The following DCUN1D5 variants were observed in gnomAD, a reference collection of about 807,000 sequenced individuals.
The protein encoded by DCUN1D5 is DCN1-like protein 5.
Under a neutral mutation model 38.3 loss-of-function variants are expected in DCUN1D5, and 10 were observed. The ratio of observed to expected loss-of-function variants is 0.26; its 90% CI spans 0.16 to 0.44. The LOEUF (loss-of-function observed/expected upper bound fraction) is 0.44. DCUN1D5 is among the 20% of genes least tolerant of loss of function. DCUN1D5 has a pLI of 1.00. For missense variants in DCUN1D5, 148 were observed against 275.3 expected, an observed-to-expected ratio of 0.54 and a Z score of 3.27; for synonymous variants, 93 against 90.9, an observed-to-expected ratio of 1.02 and a Z score of -0.13.
intron 2 of DCUN1D5, among the ~76,000 whole-genome samples, chr11:103,088,764 A>G (rs572725335): frequency 6.6e-6 from 1 of 152,368 alleles, no homozygotes; most frequent in East Asian, 1.9e-4. Context: ...GTGTTGTACA[A>G]TTATAACTGA....
At chr11:103,069,692 G>A (rs1446724837) in intron 4 of DCUN1D5, among the ~76,000 whole-genome samples, 2 of 152,174 alleles carry the variant, frequency 1.3e-5, no homozygotes, top group African/African-American at 2.4e-5. Context: ...CAGTAAAAGC[G>A]TAGTGGGAAC....
Position 103,092,008 on chromosome 11 carries a change from G to A in DCUN1D5, c.-136C>T. 2 of 785,390 alleles carry A rather than the reference G, an allele frequency of 2.5e-6. No individual in the cohort carries two copies. The highest frequency in any genetic ancestry group is 3.9e-6 in the Non-Finnish European group (2 of 510,028). The allele number at this position is 785,390 out of a possible 1,614,324, so 48.7% of individuals were successfully genotyped here. A position where few individuals can be genotyped will look rare whatever the true frequency, so the allele number is the denominator to read the frequency against. On this transcript the variant is annotated 5_prime_UTR_variant, in exon 1 of 8. Coordinates refer to ENST00000260247, the MANE Select transcript of DCUN1D5 (RefSeq NM_032299.4). Reference sequence around the variant, plus strand: ...AGCAGAGTCGCCAGCCCGCACCGGCGCGGCCCAGCCCGGCCGCCGCCCGCT... The same window carrying A: ...AGCAGAGTCGCCAGCCCGCACCGGCACGGCCCAGCCCGGCCGCCGCCCGCT...
At position 103,071,613 on chromosome 11, in the gene DCUN1D5, G is replaced by A. The variant is rs964263671; in HGVS notation, c.342-5046C>T. The stretch of plus-strand genomic sequence containing the variant: ...ATATTTTATATAGAGATTTTACACA[G>A]ATTTTTACATAGATATAAAAATTCT... On this transcript the variant is annotated intron_variant, in intron 4 of 7. Coordinates refer to ENST00000260247, the MANE Select transcript of DCUN1D5 (RefSeq NM_032299.4). This position sits in a 1 kb window ranked among gnomAD's most constrained non-coding sequence, Gnocchi z 4.1. Among the ~76,000 whole-genome samples, 7 of 150,004 alleles carry A rather than the reference G, an allele frequency of 4.7e-5. No individual in the cohort carries two copies. Among genetic ancestry groups the A allele is most frequent in the Non-Finnish European group, 1.0e-4 (7 of 67,512 alleles).
At chr11:103,085,382 A>C (rs901152079) in intron 2 of DCUN1D5, among the ~76,000 whole-genome samples, 2 of 152,252 alleles carry the variant, frequency 1.3e-5, no homozygotes, top group South Asian at 4.1e-4. Context: ...GGTTGCAGTG[A>C]GCCGAGATTG....
Position 103,051,666 on chromosome 11 carries a change from G to A in DCUN1D5, c.*10693C>T, listed in dbSNP as rs1043712326. ...AAAGCATAGCATTAGGTTTTACTTA[G>A]CATTTTACAAACACTTTTAAGTACA... On this transcript the variant is annotated 3_prime_UTR_variant, in exon 8 of 8. Transcript: ENST00000260247. The A allele has an allele frequency of 9.9e-5, 15 of 152,072 alleles. No individual in the cohort carries two copies. The highest frequency in any genetic ancestry group is 3.6e-4 in the African/African-American group (15 of 41,408). 9.4% of individuals were successfully genotyped at this position (152,072 alleles called of 1,614,324 possible).
At chr11:103,075,953 G>T (rs1158582212) in intron 4 of DCUN1D5, among the ~76,000 whole-genome samples, 1 of 152,142 alleles carries the variant, frequency 6.6e-6, no homozygotes, top group Non-Finnish European at 1.5e-5. Context: ...AATGAAAGTT[G>T]ACTTCTACCA....
In DCUN1D5 at chr11:103,059,694, A is replaced by C. The variant is rs781662698; in HGVS notation, c.*2665T>G. Among the ~76,000 whole-genome samples the C allele has an allele frequency of 3.3e-4, 46 of 137,352 alleles. No homozygotes were observed. Among genetic ancestry groups the C allele is most frequent in the Non-Finnish European group, 6.6e-4 (43 of 65,416 alleles). The allele number at this position is 137,352 out of a possible 152,430, so 90.1% of individuals were successfully genotyped here. ...ACACACTGTCACCTGAATCCCTGGC[A>C]ATTTCCTAGAGGTATTAACATCATA... On this transcript the variant is annotated 3_prime_UTR_variant, in exon 8 of 8. Coordinates refer to ENST00000260247, the MANE Select transcript of DCUN1D5 (RefSeq NM_032299.4).
rs1862029356 is a variant in DCUN1D5, at chr11:103,062,233, A to G, written c.*126T>C. 2 of 918,022 alleles carry G rather than the reference A, an allele frequency of 2.2e-6. No individual in the cohort carries two copies. Among genetic ancestry groups the G allele is most frequent in the East Asian group, 4.9e-5 (2 of 40,522 alleles). 56.9% of individuals were successfully genotyped at this position (918,022 alleles called of 1,614,324 possible). On this transcript the variant is annotated 3_prime_UTR_variant, in exon 8 of 8. Coordinates refer to ENST00000260247, the MANE Select transcript of DCUN1D5 (RefSeq NM_032299.4). The surrounding 1 kb of genome is among the most constrained non-coding windows in gnomAD (Gnocchi z 4.6). ...AAAAACCTCCTTTAAAAAAAGGAAA[A>G]AAAAGTACTATGAGAAGTCTTTCAT... is the stretch of plus-strand genomic sequence containing the variant.
chr11:103,088,501 A>G (rs1862771338), intron 2 of DCUN1D5, among the ~76,000 whole-genome samples: 1 of 152,196 alleles, frequency 6.6e-6, no homozygotes, highest in Non-Finnish European at 1.5e-5. Flanking sequence ...TTTCGCCTCT[A>G]AAACACAACC....
At position 103,054,100 on chromosome 11, in the gene DCUN1D5, C is replaced by T. The variant is rs889382676; in HGVS notation, c.*8259G>A. 2.0e-5 allele frequency: 3 copies of T among 152,038 alleles called. No individual in the cohort carries two copies. The highest frequency in any genetic ancestry group is 7.2e-5 in the African/African-American group (3 of 41,418). 9.4% of individuals were successfully genotyped at this position (152,038 alleles called of 1,614,324 possible). On this transcript the variant is annotated 3_prime_UTR_variant, in exon 8 of 8. Coordinates refer to ENST00000260247, the MANE Select transcript of DCUN1D5 (RefSeq NM_032299.4). ...CATTCCAGAAGGTTCCATTTCATGT[C>T]AAACTTCTCAAACTGACGTAAGCCA...
chr11:103,055,550 TATCA>T lies in DCUN1D5; in HGVS notation c.*6805_*6808del, dbSNP rs1369657509. 1 of 152,200 alleles carries T rather than the reference TATCA, an allele frequency of 6.6e-6. No homozygotes were observed. The highest frequency in any genetic ancestry group is 6.5e-5 in the Admixed American group (1 of 15,274). The allele number at this position is 152,200 out of a possible 1,614,324, so 9.4% of individuals were successfully genotyped here. A position where few individuals can be genotyped will look rare whatever the true frequency, so the allele number is the denominator to read the frequency against. Reference sequence around the variant, plus strand: ...ATTTGTTTACATATTTGGCAACTATTATCAATCTTGCTTTTTAAATCTTAGTGCT... The same window carrying T: ...ATTTGTTTACATATTTGGCAACTATTATCTTGCTTTTTAAATCTTAGTGCT... On this transcript the variant is annotated 3_prime_UTR_variant, in exon 8 of 8. Transcript: ENST00000260247.
intron 4 of DCUN1D5, among the ~76,000 whole-genome samples, chr11:103,082,205 G>C (rs1862581781): frequency 6.6e-6 from 1 of 152,074 alleles, no homozygotes; most frequent in Non-Finnish European, 1.5e-5. Flanking sequence ...ATCCTAAACT[G>C]AAAGTGTAGG....
At chr11:103,067,496 G>C (rs1289825076) in intron 4 of DCUN1D5, among the ~76,000 whole-genome samples, 1 of 152,070 alleles carries the variant, frequency 6.6e-6, no homozygotes, top group East Asian at 1.9e-4. Flanking sequence ...CCACCTCTGA[G>C]AGACCATCTG....
rs769594249 is a variant in DCUN1D5 at position 103,052,224 on chromosome 11, G to T, written c.*10135C>A. 1 of 152,142 alleles carries T rather than the reference G, an allele frequency of 6.6e-6. No homozygotes were observed. The highest frequency in any genetic ancestry group is 1.5e-5 in the Non-Finnish European group (1 of 68,018). 9.4% of individuals were successfully genotyped at this position (152,142 alleles called of 1,614,324 possible). On this transcript the variant is annotated 3_prime_UTR_variant, in exon 8 of 8. Transcript: ENST00000260247. Reference sequence around the variant, plus strand: ...CTGAAGACATGGTTTCTGCCCTCAAGAATCTCAGTCTAATGGGAATGTGGA... The same window carrying T: ...CTGAAGACATGGTTTCTGCCCTCAATAATCTCAGTCTAATGGGAATGTGGA...
In DCUN1D5 at chr11:103,091,496, TG is replaced by T. The variant is rs1006802695; in HGVS notation, c.86+290del. On this transcript the variant is annotated intron_variant, in intron 1 of 7. Coordinates refer to ENST00000260247, the MANE Select transcript of DCUN1D5 (RefSeq NM_032299.4). This position sits in a 1 kb window ranked among gnomAD's most constrained non-coding sequence, Gnocchi z 4.3. ...GTCGGTTGTGGGGTGGGGGTGGGGG[TG>T]GGGGGAAGCGCAATTTACATATGCA... 8.6e-6 allele frequency: 2 copies of T among 233,056 alleles called. No homozygotes were observed. Among genetic ancestry groups the T allele is most frequent in the Non-Finnish European group, 1.5e-5 (2 of 133,872 alleles). 14.4% of individuals were successfully genotyped at this position (233,056 alleles called of 1,614,324 possible). A position where few individuals can be genotyped will look rare whatever the true frequency, so the allele number is the denominator to read the frequency against.
intron 4 of DCUN1D5, among the ~76,000 whole-genome samples, chr11:103,068,081 A>G (rs969182072): frequency 2.0e-5 from 3 of 152,172 alleles, no homozygotes; most frequent in African/African-American, 4.8e-5. Context: ...TACTTTTCTC[A>G]TAACTGATTA....
rs934792465 is a variant in DCUN1D5, at chr11:103,078,174, T to C, written c.341+4574A>G. Among the ~76,000 whole-genome samples the C allele has an allele frequency of 2.0e-5, 3 of 152,238 alleles. No homozygotes were observed. Among genetic ancestry groups the C allele is most frequent in the African/African-American group, 4.8e-5 (2 of 41,464 alleles). On this transcript the variant is annotated intron_variant, in intron 4 of 7. Coordinates refer to ENST00000260247, the MANE Select transcript of DCUN1D5 (RefSeq NM_032299.4). This position sits in a 1 kb window ranked among gnomAD's most constrained non-coding sequence, Gnocchi z 4.6. ...TTACTATCACTGTTGTCAGATGCTC[T>C]TGTCTTGTCCTTTTCATTATCATAA... is the stretch of plus-strand genomic sequence containing the variant.
rs1372349463 is a variant in DCUN1D5 at position 103,087,178 on chromosome 11, T to TC, written c.178+2048_178+2049insG. Reference sequence around the variant, plus strand: ...CCATTTCTTTTTTTCTTTTTCTTTTTTTTTTTTTTTGAGGCAGAGTCTCAC... The same window carrying TC: ...CCATTTCTTTTTTTCTTTTTCTTTTTCTTTTTTTTTTGAGGCAGAGTCTCAC... On this transcript the variant is annotated intron_variant, in intron 2 of 7. Coordinates refer to ENST00000260247, the MANE Select transcript of DCUN1D5 (RefSeq NM_032299.4). The surrounding 1 kb of genome is among the most constrained non-coding windows in gnomAD (Gnocchi z 4.1). Among the ~76,000 whole-genome samples, 1 of 150,512 alleles carries TC rather than the reference T, an allele frequency of 6.6e-6. No homozygotes were observed. Among genetic ancestry groups the TC allele is most frequent in the Non-Finnish European group, 1.5e-5 (1 of 67,578 alleles).
intron 4 of DCUN1D5, among the ~76,000 whole-genome samples, chr11:103,067,453 A>G (rs1862161746): frequency 6.6e-6 from 1 of 152,160 alleles, no homozygotes. Context: ...TGCTGATAAA[A>G]ATATTATTCA....
Sources: gnomAD v4.1 joint callset for allele counts (sites outside exome capture counted in the v4.1 genomes callset) on GRCh38, gnomAD v4.1.1 for gene constraint, Gnocchi (gnomAD v3.1) non-coding constraint, MANE v1.5 for transcripts, NCBI Gene and HGNC (gene_info 2026-07-23, HGNC 2026-07-21) for gene names.